PRX: variants seen among roughly 807,000 people sequenced by gnomAD.
PRX encodes periaxin.
PRX carries 24 observed loss-of-function variants against 29.6 expected under a neutral mutation model. That is an observed-to-expected ratio of 0.81 (90% confidence interval 0.59 to 1.14). The LOEUF (loss-of-function observed/expected upper bound fraction) is 1.14, where lower values mean the gene tolerates loss of function less well. Among genes scored for constraint, PRX ranks in the 50% most tolerant of loss-of-function variants. The probability of loss-of-function intolerance (pLI) is 0.00; values close to 1 mark genes in which losing one functional copy is unlikely to be tolerated. For synonymous variants in PRX, 772 were observed against 831.7 expected, an observed-to-expected ratio of 0.93 and a Z score of 1.24; for missense variants, 1,838 against 1,926.4, an observed-to-expected ratio of 0.95 and a Z score of 0.86.
rs760071236 is a variant in PRX at position 40,396,091 on chromosome 19, C to A, written c.2261G>T (p.Arg754Leu). Residue 754 changes from arginine to leucine, a missense_variant, in exon 7 of 7, where the codon CGG becomes CTG. By Grantham distance (102) the Arg-to-Leu change is moderately radical. Around this residue, in one of 3 missense-constraint regions of PRX, gnomAD observed 1,143 missense variants for 1,193.0 expected, o/e 0.96. Coordinates refer to ENST00000324001, the MANE Select transcript of PRX (RefSeq NM_181882.3). ...EVQLPKVSEI[R>L]LPEMQVPKVP... is the part of the protein sequence containing the mutation. The stretch of plus-strand genomic sequence containing the variant: ...CTTCGGCACTTGCATTTCCGGCAGC[C>A]GAATCTCTGACACTTTCGGCAGCTG... The A allele has an allele frequency of 2.5e-6, 4 of 1,614,028 alleles. No individual in the cohort carries two copies. The highest frequency in any genetic ancestry group is 2.5e-6 in the Non-Finnish European group (3 of 1,180,024).
At chr19:40,401,776 T>C (rs1338907704) in intron 5 of PRX, among the ~76,000 whole-genome samples, 1 of 151,690 alleles carries the variant, frequency 6.6e-6, no homozygotes, top group Non-Finnish European at 1.5e-5. Flanking sequence ...CCCCTTTTTT[T>C]TTTTTTTTTT....
At chr19:40,411,859 T>C (rs745959724) in intron 1 of PRX, among the ~76,000 whole-genome samples, 24 of 152,196 alleles carry the variant, frequency 1.6e-4, no homozygotes, top group Non-Finnish European at 2.9e-4. Flanking sequence ...ATTTCTTGGG[T>C]AGTTACTGTG....
At position 40,400,262 on chromosome 19, in the gene PRX, G is replaced by A. The variant is rs566997203; in HGVS notation, c.185-1446C>T. ...CTCCTAAAGTGCTGGCATTACAGGC[G>A]TGAGCCACCGTGCCCAGCCCCTCCT... On this transcript the variant is annotated intron_variant, in intron 5 of 6. Coordinates refer to ENST00000324001, the MANE Select transcript of PRX (RefSeq NM_181882.3). Among the ~76,000 whole-genome samples, 11 of 147,704 alleles carry A rather than the reference G, an allele frequency of 7.4e-5. 1 individual carries two copies. Among genetic ancestry groups the A allele is most frequent in the Non-Finnish European group, 8.9e-5 (6 of 67,250 alleles).
intron 5 of PRX, among the ~76,000 whole-genome samples, chr19:40,401,023 T>C (rs1359446996): frequency 2.6e-5 from 4 of 152,180 alleles, no homozygotes; most frequent in Non-Finnish European, 5.9e-5. Flanking sequence ...TCTTTCTTAG[T>C]ACTAGCCTCA....
rs1237761863 is a variant in PRX, at chr19:40,396,143, C to T, written c.2209G>A (p.Val737Met). 1.9e-6 allele frequency: 3 copies of T among 1,613,730 alleles called. No individual in the cohort carries two copies. The highest frequency in any genetic ancestry group is 1.3e-5 in the African/African-American group (1 of 74,900). Residue 737 changes from valine to methionine, a missense_variant, in exon 7 of 7, where the codon GTG (valine) becomes ATG (methionine). Val to Met is a conservative substitution (Grantham distance 21). Around this residue, in one of 3 missense-constraint regions of PRX, gnomAD observed 1,143 missense variants for 1,193.0 expected, o/e 0.96. Coordinates refer to ENST00000324001, the MANE Select transcript of PRX (RefSeq NM_181882.3). The part of the protein sequence containing the change: ...IKLPKVPEMA[V>M]PDVHLPEVQL... ...ACCTCGGGGAGGTGCACATCGGGCA[C>T]AGCCATCTCAGGCACCTTGGGGAGT... is the stretch of plus-strand genomic sequence containing the variant.
rs779928693 is a variant in PRX, at chr19:40,403,708, T to C, written c.182A>G (p.Glu61Gly). ...CCCCACACCCCGGGCCCGCCCACCT[T>C]CCTGCAGGCTGAGGCTCCTGGCGGC... Reference protein sequence around the residue: ...SPAARSLSLQEGDQLLSARVF... With the variant: ...SPAARSLSLQGGDQLLSARVF... Residue 61 changes from glutamate to glycine, a missense_variant and splice_region_variant, in exon 5 of 7, where the codon GAA becomes GGA. Physicochemically the swap from Glu to Gly is moderately conservative, Grantham distance 98. Transcript: ENST00000324001. 3.9e-6 allele frequency: 6 copies of C among 1,553,152 alleles called. No homozygotes were observed. Among genetic ancestry groups the C allele is most frequent in the Admixed American group, 1.9e-5 (1 of 53,350 alleles).
intron 4 of PRX, among the ~76,000 whole-genome samples, chr19:40,406,771 CTTT>C (rs59493934): frequency 0.17 from 20,674 of 120,834 alleles, 1,436 homozygotes; most frequent in Non-Finnish European, 0.2. Context: ...ACCTCCATTT[CTTT>C]TTTTTTTTTT....
At chr19:40,406,613 C>T (rs950783100) in intron 4 of PRX, among the ~76,000 whole-genome samples, 6 of 152,044 alleles carry the variant, frequency 3.9e-5, no homozygotes, top group Admixed American at 3.9e-4. Context: ...ACAGTAGACC[C>T]GCTCTGTGCC....
chr19:40,402,366 T>TA (rs1032190556), intron 5 of PRX, among the ~76,000 whole-genome samples: 4 of 150,878 alleles, frequency 2.7e-5, no homozygotes, highest in East Asian at 2.0e-4. Flanking sequence ...AATAAATAAA[T>TA]AAATAAAATA....
rs372961087 is a variant in PRX, at chr19:40,395,447, C to G, written c.2905G>C (p.Ala969Pro). ...VSKFAISLPK[A>P]RVGAEAEAKG... The stretch of plus-strand genomic sequence containing the variant: ...GCCTCAGCCTCAGCCCCCACCCGAG[C>G]CTTGGGGAGTGAGATGGCAAATTTG... The change falls in exon 7 of 7, where the codon GCT (alanine) becomes CCT (proline). Residue 969 changes from alanine (A) to proline (P), a missense_variant. Transcript: ENST00000324001. 4 of 1,613,942 alleles carry G rather than the reference C, an allele frequency of 2.5e-6. No individual in the cohort carries two copies. The African/African-American group carries it at 4.0e-5, about 16-fold the overall frequency.
intron 4 of PRX, among the ~76,000 whole-genome samples, chr19:40,405,471 A>G (rs1335522947): frequency 2.0e-5 from 3 of 152,234 alleles, no homozygotes; most frequent in East Asian, 3.9e-4. Flanking sequence ...GGTCTAGGCC[A>G]GATGCCCCAC....
At position 40,396,098 on chromosome 19, in the gene PRX, C is replaced by T. The variant is rs147587689; in HGVS notation, c.2254G>A (p.Glu752Lys). The T allele has an allele frequency of 1.9e-3, 3,123 of 1,614,256 alleles. 2 individuals carry two copies. The highest frequency in any genetic ancestry group is 2.4e-3 in the Non-Finnish European group (2,803 of 1,180,044). The change falls in exon 7 of 7, where the codon GAG becomes AAG. Residue 752 changes from glutamate to lysine, a missense_variant. This residue lies in a region of PRX where 1,143 missense variants were observed against 1,193.0 expected (regional missense o/e 0.96). Transcript: ENST00000324001. ...ACTTGCATTTCCGGCAGCCGAATCT[C>T]TGACACTTTCGGCAGCTGCACCTCG... ...LPEVQLPKVS[E>K]IRLPEMQVPK...
Position 40,408,082 on chromosome 19 carries a change from G to C in PRX, c.-99-51C>G, listed in dbSNP as rs576388373. Reference sequence around the variant, plus strand: ...TGAGGCCAGTAGGGGACGAGAGGTGGAGGCCATGCTTACAGGGAGAAAGCA... The same window carrying C: ...TGAGGCCAGTAGGGGACGAGAGGTGCAGGCCATGCTTACAGGGAGAAAGCA... On this transcript the variant is annotated intron_variant, in intron 3 of 6. Coordinates refer to ENST00000324001, the MANE Select transcript of PRX (RefSeq NM_181882.3). 5.9e-6 allele frequency: 6 copies of C among 1,016,916 alleles called. No homozygotes were observed. The Admixed American group carries it at 1.2e-4, about 20-fold the overall frequency. 63.0% of individuals were successfully genotyped at this position (1,016,916 alleles called of 1,614,324 possible).
intron 4 of PRX, 88 bp from the exon 5 acceptor site, chr19:40,403,950 C>T: frequency 7.1e-7 from 1 of 1,405,612 alleles, no homozygotes; most frequent in Non-Finnish European, 9.7e-7. Context: ...GGCTCATATA[C>T]ATATATATGT....
chr19:40,405,828 A>G (rs1379981638), intron 4 of PRX, among the ~76,000 whole-genome samples: 9 of 151,318 alleles, frequency 5.9e-5, no homozygotes, highest in Non-Finnish European at 1.2e-4. Context: ...TAGTAGAGAT[A>G]GAGTTTCACC....
In PRX at chr19:40,398,407, C is replaced by A. The variant is rs754990696; in HGVS notation, c.381+213G>T. ...GGATCCGATGGTGGGGACGCCTCTC[C>A]GAGGTGGGTGAGGGCCCTGGGCTGG... On this transcript the variant is annotated intron_variant, in intron 6 of 6. Transcript: ENST00000324001. The surrounding 1 kb of genome is among the most constrained non-coding windows in gnomAD (Gnocchi z 6.3). 2.3e-5 allele frequency: 34 copies of A among 1,471,092 alleles called. No homozygotes were observed. In the South Asian group the frequency reaches 4.5e-4, roughly 19 times the overall value. The allele number at this position is 1,471,092 out of a possible 1,614,324, so 91.1% of individuals were successfully genotyped here.
intron 5 of PRX, among the ~76,000 whole-genome samples, chr19:40,402,147 T>G (rs1568713343): frequency 6.6e-6 from 1 of 151,690 alleles, no homozygotes. Context: ...GGTCAGAAGA[T>G]GGAGACCATC....
chr19:40,397,530 C>A lies in PRX; in HGVS notation c.822G>T (p.Gly274=). 4 of 1,543,974 alleles carry A rather than the reference C, an allele frequency of 2.6e-6. No homozygotes were observed. The highest frequency in any genetic ancestry group is 2.6e-6 in the Non-Finnish European group (3 of 1,146,362). Residue 274 remains glycine, a synonymous_variant, in exon 7 of 7, where the codon GGG becomes GGT. Coordinates refer to ENST00000324001, the MANE Select transcript of PRX (RefSeq NM_181882.3). ...GGFALHLPTL[G]LGAPAPPAVE... is the part of the protein sequence containing the mutation. ...CAGCAGGCGGAGCCGGGGCTCCGAGCCCAAGGGTTGGCAGGTGGAGGGCAA... is the reference window on the plus strand; with the variant it reads ...CAGCAGGCGGAGCCGGGGCTCCGAGACCAAGGGTTGGCAGGTGGAGGGCAA...
In PRX at chr19:40,394,062, C is replaced by G. The variant is rs1347473458; in HGVS notation, c.4290G>C (p.Glu1430Asp). 3.4e-5 allele frequency: 55 copies of G among 1,612,356 alleles called. No homozygotes were observed. Among genetic ancestry groups the G allele is most frequent in the Non-Finnish European group, 4.5e-5 (53 of 1,178,812 alleles). ...KARSGSGDQEEGGLRVRLPSV... is the reference protein window; with the variant it reads ...KARSGSGDQEDGGLRVRLPSV... The stretch of plus-strand genomic sequence containing the variant: ...TGGGCAGCCGCACCCGCAATCCACC[C>G]TCTTCCTGGTCCCCACTCCCACTCC... The change falls in exon 7 of 7, where the codon GAG becomes GAC. Residue 1430 changes from glutamate (E) to aspartate (D), a missense_variant. This residue lies in a region of PRX where 1,143 missense variants were observed against 1,193.0 expected (regional missense o/e 0.96). Transcript: ENST00000324001. This position sits in a 1 kb window ranked among gnomAD's most constrained non-coding sequence, Gnocchi z 5.8.
Sources: gnomAD v4.1 joint callset for allele counts (sites outside exome capture counted in the v4.1 genomes callset) on GRCh38, gnomAD v4.1.1 for gene constraint, gnomAD v4.1.1 regional missense constraint, Gnocchi (gnomAD v3.1) non-coding constraint, MANE v1.5 for transcripts, NCBI Gene and HGNC (gene_info 2026-07-23, HGNC 2026-07-21) for gene names.